Variants in PIP5K1B observed in about 807,000 individuals in gnomAD.
PIP5K1B encodes phosphatidylinositol 4-phosphate 5-kinase type-1 beta.
PIP5K1B carries 42 observed loss-of-function variants against 67.0 expected under a neutral mutation model. That is an observed-to-expected ratio of 0.63 (90% CI 0.49 to 0.81). PIP5K1B has a LOEUF of 0.81. Ranked by LOEUF, PIP5K1B falls within the 30% of genes least tolerant of loss-of-function variation. The pLI, the probability that PIP5K1B is intolerant of heterozygous loss-of-function variation, is 0.00. For synonymous variants in PIP5K1B, 214 were observed against 231.4 expected (o/e 0.92, Z 0.68); for missense variants, 459 against 646.3 (o/e 0.71, Z 3.14).
At chr9:68,750,158 T>A (rs1220566139) in intron 2 of PIP5K1B, among the ~76,000 whole-genome samples, 3 of 152,254 alleles carry the variant, frequency 2.0e-5, no homozygotes, top group Non-Finnish European at 4.4e-5. Context: ...TTTGTCACAC[T>A]GTTTTCCATA....
intron 2 of PIP5K1B, among the ~76,000 whole-genome samples, chr9:68,778,951 C>G (rs2132447069): frequency 6.6e-6 from 1 of 152,256 alleles, no homozygotes; most frequent in East Asian, 1.9e-4. Context: ...TCATTTAGAT[C>G]TCAACTCTAA....
chr9:68,753,673 A>C (rs1441038346), intron 2 of PIP5K1B, among the ~76,000 whole-genome samples: 1 of 151,406 alleles, frequency 6.6e-6, no homozygotes, highest in Non-Finnish European at 1.5e-5. Context: ...TCCAGGCGCC[A>C]GCCACCACGC....
Position 69,008,428 on chromosome 9 carries a change from G to C in PIP5K1B, c.1621-19G>C, listed in dbSNP as rs1247960500. 5.0e-6 allele frequency: 8 copies of C among 1,613,494 alleles called. No individual in the cohort carries two copies. Among genetic ancestry groups the C allele is most frequent in the Non-Finnish European group, 6.8e-6 (8 of 1,179,432 alleles). On this transcript the variant is annotated intron_variant, in intron 15 of 15. Transcript: ENST00000265382. ...GATGCCAAAATCTAGTCTCACACCT[G>C]CTTTTTTGCTCCCCCCAGTAAGTGA...
At chr9:68,832,992 T>C (rs1263682907) in intron 4 of PIP5K1B, among the ~76,000 whole-genome samples, 1 of 152,242 alleles carries the variant, frequency 6.6e-6, no homozygotes, top group African/African-American at 2.4e-5. Flanking sequence ...ATGACATACA[T>C]TTGACTTACG....
intron 6 of PIP5K1B, among the ~76,000 whole-genome samples, chr9:68,882,063 A>G (rs1824225094): frequency 6.6e-6 from 1 of 152,168 alleles, no homozygotes; most frequent in Non-Finnish European, 1.5e-5. Context: ...CTTTTTCTCC[A>G]GTGAATATAG....
intron 2 of PIP5K1B, among the ~76,000 whole-genome samples, chr9:68,755,680 A>C (rs1005732322): frequency 2.0e-5 from 3 of 152,218 alleles, no homozygotes; most frequent in South Asian, 2.1e-4. Context: ...TTACAATCAC[A>C]TGTGTTTTTC....
intron 12 of PIP5K1B, among the ~76,000 whole-genome samples, chr9:68,933,985 G>A (rs1317855862): frequency 1.3e-5 from 2 of 152,118 alleles, no homozygotes; most frequent in African/African-American, 4.8e-5. Flanking sequence ...ACCCCTTTAT[G>A]CAAACTTCTA....
chr9:68,883,037 A>G (rs1824277822), intron 6 of PIP5K1B, among the ~76,000 whole-genome samples: 1 of 152,202 alleles, frequency 6.6e-6, no homozygotes, highest in Non-Finnish European at 1.5e-5. Context: ...TAAAATTAAC[A>G]ACAGCAATAC....
At position 68,988,444 on chromosome 9, in the gene PIP5K1B, GTTTTTTTTTTT is replaced by G. The variant is rs61373302; in HGVS notation, c.1503-2683_1503-2673del. ...GGAAAAACTTAGTTGTTTTTTTGGG[GTTTTTTTTTTT>G]TTTTTTTTTTTTGAGATGAAGTCTC... On this transcript the variant is annotated intron_variant, in intron 14 of 15. Transcript: ENST00000265382. Among the ~76,000 whole-genome samples the G allele has an allele frequency of 6.7e-4, 74 of 110,002 alleles. 1 individual carries two copies. Among genetic ancestry groups the G allele is most frequent in the Non-Finnish European group, 1.0e-3 (57 of 54,564 alleles). The allele number at this position is 110,002 out of a possible 152,430, so 72.2% of individuals were successfully genotyped here. A position where few individuals can be genotyped will look rare whatever the true frequency, so the allele number is the denominator to read the frequency against.
rs1231920369 is a variant in PIP5K1B, at chr9:68,779,138, A to AT, written c.-86+36481_-86+36482insT. Reference sequence around the variant, plus strand: ...ACATAGTAAGTATGCTGAAAAAAAAAAACCTTGACTGACTGAATAAATGAA... The same window carrying AT: ...ACATAGTAAGTATGCTGAAAAAAAAATAACCTTGACTGACTGAATAAATGAA... On this transcript the variant is annotated intron_variant, in intron 2 of 15. Transcript: ENST00000265382. 2.6e-5 allele frequency among the ~76,000 whole-genome samples: 4 copies of AT among 152,320 alleles called. No individual in the cohort carries two copies. In the East Asian group the frequency reaches 7.7e-4, roughly 29 times the overall value.
chr9:68,763,840 C>T (rs1396724906), intron 2 of PIP5K1B, among the ~76,000 whole-genome samples: 2 of 152,066 alleles, frequency 1.3e-5, no homozygotes, highest in Non-Finnish European at 2.9e-5. Flanking sequence ...TCCTTGAGCT[C>T]CTATGTGAAC....
At chr9:69,008,414 C>T (rs773953238) in intron 15 of PIP5K1B, 33 bp from the exon 16 acceptor site, 1 of 1,611,900 alleles carries the variant, frequency 6.2e-7, no homozygotes, top group Non-Finnish European at 8.5e-7. Flanking sequence ...ATGCCAAAAT[C>T]TAGTCTCACA....
intron 15 of PIP5K1B, among the ~76,000 whole-genome samples, chr9:68,998,423 G>A (rs555464324): frequency 1.3e-5 from 2 of 152,134 alleles, no homozygotes. Flanking sequence ...ATCCAGGCGC[G>A]GGTTGCCCCT....
chr9:68,893,067 C>T (rs1824880821), intron 7 of PIP5K1B, among the ~76,000 whole-genome samples: 1 of 151,120 alleles, frequency 6.6e-6, no homozygotes, highest in Non-Finnish European at 1.5e-5. Context: ...AGTAAGACTC[C>T]GTCTCTCAAA....
At chr9:68,784,289 A>G (rs1206974052) in intron 2 of PIP5K1B, 1 of 165,080 alleles carries the variant, frequency 6.1e-6, no homozygotes, top group Non-Finnish European at 1.5e-5. Context: ...ACTTTGTGCA[A>G]GAAGTCCTAA....
intron 2 of PIP5K1B, among the ~76,000 whole-genome samples, chr9:68,807,095 T>G (rs1175829473): frequency 6.6e-6 from 1 of 152,184 alleles, no homozygotes; most frequent in Admixed American, 6.5e-5. Context: ...CATTATTACA[T>G]GTGCTTGAGT....
chr9:68,760,797 G>C (rs1830150969), intron 2 of PIP5K1B, among the ~76,000 whole-genome samples: 1 of 152,036 alleles, frequency 6.6e-6, no homozygotes, highest in East Asian at 1.9e-4. Context: ...AAATAAATGA[G>C]CATATGCCAA....
chr9:68,979,891 C>G (rs891668507), intron 14 of PIP5K1B, among the ~76,000 whole-genome samples: 1 of 152,168 alleles, frequency 6.6e-6, no homozygotes, highest in African/African-American at 2.4e-5. Context: ...GAGCAGCAGC[C>G]ATGCTCAGGG....
rs557206380 is a variant in PIP5K1B, at chr9:69,009,103, AATT to A, written c.*657_*659del. 4.0e-3 allele frequency: 610 copies of A among 152,792 alleles called. 1 individual carries two copies. Among genetic ancestry groups the A allele is most frequent in the Non-Finnish European group, 6.9e-3 (470 of 68,042 alleles). 9.5% of individuals were successfully genotyped at this position (152,792 alleles called of 1,614,324 possible). A position where few individuals can be genotyped will look rare whatever the true frequency, so the allele number is the denominator to read the frequency against. On this transcript the variant is annotated 3_prime_UTR_variant, in exon 16 of 16. Coordinates refer to ENST00000265382, the MANE Select transcript of PIP5K1B (RefSeq NM_003558.4). ...TCTAGTTTATTGCTTGTAAAAGAGA[AATT>A]ATATAATTTATTTAGTAAATACTAC...
Sources: allele counts gnomAD v4.1 joint callset (sites outside exome capture counted in the v4.1 genomes callset), GRCh38; gene constraint gnomAD v4.1.1; transcripts MANE v1.5; gene names NCBI Gene and HGNC (gene_info 2026-07-23, HGNC 2026-07-21).